The following LRPPRC variants were observed in gnomAD, a reference collection of about 807,000 sequenced individuals.
LRPPRC encodes leucine rich pentatricopeptide repeat containing.
Under a neutral mutation model 180.3 loss-of-function variants are expected in LRPPRC, and 120 were observed. That is an observed-to-expected ratio of 0.67 (90% CI 0.57 to 0.77). The LOEUF (loss-of-function observed/expected upper bound fraction) is 0.77, where lower values mean the gene tolerates loss of function less well. Among genes scored for constraint, LRPPRC ranks in the 30% least tolerant of loss-of-function variants. The probability of loss-of-function intolerance (pLI) is 0.00; values close to 1 mark genes in which losing one functional copy is unlikely to be tolerated. For missense variants in LRPPRC, 2,012 were observed against 1,657.2 expected (o/e 1.21, Z -3.72); for synonymous variants, 723 against 600.0 (o/e 1.21, Z -3.00).
chr2:43,977,323 C>A, intron 3 of LRPPRC, 47 bp from the exon 4 acceptor site: 1 of 1,506,706 alleles, frequency 6.6e-7, no homozygotes, highest in African/African-American at 1.4e-5. Context: ...ATTGAAAATC[C>A]TATGCTTTAA....
chr2:43,899,164 A>C, intron 34 of LRPPRC, 55 bp downstream of exon 34: 2 of 1,225,124 alleles, frequency 1.6e-6, no homozygotes, highest in Non-Finnish European at 2.4e-6. Context: ...GTAATTTCTC[A>C]ATTTACTTCT....
In LRPPRC at chr2:43,894,525, T is replaced by G. The variant is rs755702496; in HGVS notation, c.3985+20A>C. 4.4e-6 allele frequency: 5 copies of G among 1,139,210 alleles called. No homozygotes were observed. The South Asian group carries it at 6.2e-5, about 14-fold the overall frequency. The allele number at this position is 1,139,210 out of a possible 1,614,324, so 70.6% of individuals were successfully genotyped here. A position where few individuals can be genotyped will look rare whatever the true frequency, so the allele number is the denominator to read the frequency against. On this transcript the variant is annotated intron_variant, in intron 36 of 37. Coordinates refer to ENST00000260665, the MANE Select transcript of LRPPRC (RefSeq NM_133259.4). ...AAAGCCATTTAAATAAATAATATAGTCAAATTAAACTTATATTACCATAGC... is the reference window on the plus strand; with the variant it reads ...AAAGCCATTTAAATAAATAATATAGGCAAATTAAACTTATATTACCATAGC...
chr2:43,934,733 A>C, intron 24 of LRPPRC, 21 bp downstream of exon 24: 1 of 1,611,290 alleles, frequency 6.2e-7, no homozygotes, highest in Non-Finnish European at 8.5e-7. Flanking sequence ...AACTACATTA[A>C]GATACTAGAA....
At chr2:43,914,755 CA>C (rs1572911196) in intron 29 of LRPPRC, among the ~76,000 whole-genome samples, 1 of 152,050 alleles carries the variant, frequency 6.6e-6, no homozygotes, top group East Asian at 1.9e-4. Context: ...AAAGAATTAA[CA>C]GGATGAAACC....
At position 43,979,839 on chromosome 2, in the gene LRPPRC, T is replaced by C. The variant is rs768025495; in HGVS notation, c.456A>G (p.Thr152=). 2.5e-6 allele frequency: 4 copies of C among 1,613,108 alleles called. No individual in the cohort carries two copies. The African/African-American group carries it at 4.0e-5, about 16-fold the overall frequency. ...AAACAATCATACCTAATTTCTGAAGTGTGTCCCATATCCTATGAGCAAATT... is the reference window on the plus strand; with the variant it reads ...AAACAATCATACCTAATTTCTGAAGCGTGTCCCATATCCTATGAGCAAATT... ...RTEFAHRIWD[T]LQKLGAVYDV... Residue 152 remains threonine (T), a synonymous_variant, in exon 3 of 38, where the codon ACA becomes ACG. Coordinates refer to ENST00000260665, the MANE Select transcript of LRPPRC (RefSeq NM_133259.4).
At chr2:43,895,033 C>G (rs1572889349) in intron 35 of LRPPRC, among the ~76,000 whole-genome samples, 1 of 152,186 alleles carries the variant, frequency 6.6e-6, no homozygotes, top group East Asian at 1.9e-4. Context: ...GTGTTACACA[C>G]TTGACATACA....
chr2:43,983,071 A>G (rs1342945826), intron 1 of LRPPRC, among the ~76,000 whole-genome samples: 3 of 152,152 alleles, frequency 2.0e-5, no homozygotes, highest in African/African-American at 7.2e-5. Context: ...TTTCCTAATT[A>G]TTTAAAACAA....
At chr2:43,965,462 G>T (rs1436501635) in intron 11 of LRPPRC, among the ~76,000 whole-genome samples, 1 of 152,130 alleles carries the variant, frequency 6.6e-6, no homozygotes, top group Non-Finnish European at 1.5e-5. Context: ...CCTTGACAAC[G>T]ACTTTTTGGA....
At chr2:43,995,750 G>T in intron 1 of LRPPRC, 49 bp downstream of exon 1, 1 of 1,346,056 alleles carries the variant, frequency 7.4e-7, no homozygotes, top group South Asian at 1.9e-5. Flanking sequence ...CACGACCCCG[G>T]GGGACCCTGG....
intron 36 of LRPPRC, chr2:43,892,935 C>T (rs1391455635): frequency 6.6e-6 from 1 of 152,144 alleles, no homozygotes; most frequent in Non-Finnish European, 1.5e-5. Context: ...TTAAGAACAT[C>T]TGTAATTGAT....
intron 34 of LRPPRC, among the ~76,000 whole-genome samples, chr2:43,898,722 C>T (rs1025098652): frequency 6.6e-6 from 1 of 152,126 alleles, no homozygotes; most frequent in Non-Finnish European, 1.5e-5. Context: ...GCATATTCAA[C>T]TCTTAATAAA....
At chr2:43,943,000 A>G (rs1404112521) in intron 23 of LRPPRC, among the ~76,000 whole-genome samples, 1 of 152,108 alleles carries the variant, frequency 6.6e-6, no homozygotes, top group African/African-American at 2.4e-5. Flanking sequence ...GCTATGAAAA[A>G]GCTGACAAAG....
intron 23 of LRPPRC, among the ~76,000 whole-genome samples, chr2:43,939,933 T>C (rs566217887): frequency 6.6e-6 from 1 of 152,300 alleles, no homozygotes; most frequent in Admixed American, 6.5e-5. Context: ...TGCTCTTTTG[T>C]TCAGAATAAA....
chr2:43,976,018 A>T (rs1465935506), intron 6 of LRPPRC, 125 bp downstream of exon 6: 1 of 640,018 alleles, frequency 1.6e-6, no homozygotes, highest in Non-Finnish European at 2.8e-6. Flanking sequence ...ATGTATTTTA[A>T]GAACTGTCTA....
chr2:43,901,576 T>C (rs776949541), intron 31 of LRPPRC, 52 bp from the exon 32 acceptor site: 1 of 1,181,852 alleles, frequency 8.5e-7, no homozygotes. Flanking sequence ...GTGCTGACTT[T>C]AATGCATTTT....
At chr2:43,974,835 G>C (rs530757189) in intron 7 of LRPPRC, 77 bp from the exon 8 acceptor site, 2 of 1,448,610 alleles carry the variant, frequency 1.4e-6, no homozygotes, top group East Asian at 4.6e-5. Context: ...AAAATATCCA[G>C]ATTCAAAAAA....
intron 25 of LRPPRC, among the ~76,000 whole-genome samples, chr2:43,929,089 A>G (rs777049285): frequency 4.6e-5 from 7 of 152,218 alleles, no homozygotes; most frequent in Non-Finnish European, 1.0e-4. Context: ...TGATACCGTA[A>G]GTTTATGACA....
intron 4 of LRPPRC, 38 bp downstream of exon 4, chr2:43,977,117 G>T (rs978557046): frequency 6.2e-7 from 1 of 1,609,362 alleles, no homozygotes; most frequent in South Asian, 1.1e-5. Context: ...AAAAAAAATG[G>T]TGGATGTGAA....
At chr2:43,945,789 A>G (rs1003905359) in intron 21 of LRPPRC, among the ~76,000 whole-genome samples, 1 of 152,082 alleles carries the variant, frequency 6.6e-6, no homozygotes, top group Non-Finnish European at 1.5e-5. Context: ...TTTTATTTAC[A>G]CTACAATATT....
Sources: gnomAD v4.1 joint callset for allele counts (sites outside exome capture counted in the v4.1 genomes callset) on GRCh38, gnomAD v4.1.1 for gene constraint, MANE v1.5 for transcripts, NCBI Gene and HGNC (gene_info 2026-07-23, HGNC 2026-07-21) for gene names.